MEMO1: variants seen among roughly 807,000 people sequenced by gnomAD.
MEMO1 encodes mediator of cell motility 1, also known as protein MEMO1.
In MEMO1, 6 loss-of-function variants were observed where a neutral mutation model predicts 45.2. The observed-to-expected ratio is 0.13, with a 90% CI of 0.07 to 0.26. MEMO1 has a LOEUF of 0.26. MEMO1 is among the 10% of genes least tolerant of loss of function. The pLI is 1.00. For synonymous variants in MEMO1, 78 were observed against 124.3 expected (o/e 0.63, Z 2.48); for missense variants, 184 against 370.5 (o/e 0.50, Z 4.13).
At chr2:31,938,462 C>A (rs572065708) in intron 3 of MEMO1, among the ~76,000 whole-genome samples, 2 of 151,652 alleles carry the variant, frequency 1.3e-5, no homozygotes, top group South Asian at 2.1e-4. Flanking sequence ...CTGGCTAACA[C>A]GGTGAAACCA....
chr2:32,002,156 A>AT, intron 2 of MEMO1, among the ~76,000 whole-genome samples: 5 of 125,852 alleles, frequency 4.0e-5, no homozygotes, highest in African/African-American at 1.3e-4. Flanking sequence ...AAAAAAAAAA[A>AT]AAAAAAAAAA....
chr2:31,971,035 CT>C (rs1669335465), intron 2 of MEMO1, among the ~76,000 whole-genome samples: 1 of 152,122 alleles, frequency 6.6e-6, no homozygotes, highest in African/African-American at 2.4e-5. Flanking sequence ...ATATAATTAC[CT>C]ACAAATTAGA....
At chr2:31,960,765 T>C (rs577590402) in intron 2 of MEMO1, among the ~76,000 whole-genome samples, 58 of 152,034 alleles carry the variant, frequency 3.8e-4, no homozygotes, top group Non-Finnish European at 7.1e-4. Flanking sequence ...TTTGTATTTT[T>C]AGTAGAGAGA....
At chr2:31,904,092 T>C (rs1186324811) in intron 6 of MEMO1, among the ~76,000 whole-genome samples, 1 of 152,222 alleles carries the variant, frequency 6.6e-6, no homozygotes, top group Non-Finnish European at 1.5e-5. Context: ...AAATACAGAA[T>C]GGCAATATGG....
At chr2:31,998,779 G>C (rs115024890) in intron 2 of MEMO1, among the ~76,000 whole-genome samples, 1 of 149,082 alleles carries the variant, frequency 6.7e-6, no homozygotes, top group Non-Finnish European at 1.5e-5. Flanking sequence ...CAGCCCAGGA[G>C]ACAATGTGAG....
intron 4 of MEMO1, among the ~76,000 whole-genome samples, chr2:31,931,398 T>A (rs938971081): frequency 6.6e-6 from 1 of 152,192 alleles, no homozygotes; most frequent in Non-Finnish European, 1.5e-5. Flanking sequence ...ACATAGCTTG[T>A]ACATCTGGCA....
chr2:31,931,399 A>G (rs1165735151), intron 4 of MEMO1, among the ~76,000 whole-genome samples: 1 of 152,214 alleles, frequency 6.6e-6, no homozygotes, highest in Non-Finnish European at 1.5e-5. Context: ...CATAGCTTGT[A>G]CATCTGGCAA....
At chr2:32,007,120 T>C (rs1674191580) in intron 2 of MEMO1, among the ~76,000 whole-genome samples, 1 of 152,208 alleles carries the variant, frequency 6.6e-6, no homozygotes, top group African/African-American at 2.4e-5. Flanking sequence ...ATGCCTAGCA[T>C]TCATAGGCAT....
intron 2 of MEMO1, among the ~76,000 whole-genome samples, chr2:31,985,111 A>G (rs898264231): frequency 6.6e-6 from 1 of 152,182 alleles, no homozygotes; most frequent in African/African-American, 2.4e-5. Context: ...GAGCAGGCAA[A>G]TATCACCAAA....
At chr2:31,912,564 T>C (rs934972780) in intron 6 of MEMO1, among the ~76,000 whole-genome samples, 7 of 151,196 alleles carry the variant, frequency 4.6e-5, no homozygotes, top group African/African-American at 1.5e-4. Flanking sequence ...ATTATGCATT[T>C]CAATATTAAA....
chr2:31,919,273 C>T (rs1681922977), intron 5 of MEMO1, among the ~76,000 whole-genome samples: 1 of 151,958 alleles, frequency 6.6e-6, no homozygotes, highest in Non-Finnish European at 1.5e-5. Context: ...CTCGCTGCCC[C>T]ATGCCCTCCC....
intron 2 of MEMO1, among the ~76,000 whole-genome samples, chr2:31,950,720 C>CA (rs1382577241): frequency 0.015 from 1,142 of 78,268 alleles, 12 homozygotes; most frequent in African/African-American, 0.033. Flanking sequence ...GACTCCATCT[C>CA]AAAAAAAAAA....
Position 31,978,526 on chromosome 2 carries a change from G to A in MEMO1, c.61+31661C>T, listed in dbSNP as rs990714960. Among the ~76,000 whole-genome samples the A allele has an allele frequency of 1.4e-4, 22 of 152,340 alleles. No individual in the cohort carries two copies. The East Asian group carries it at 3.7e-3, about 25-fold the overall frequency. ...AGTGGCATGATCATCATAGCTCACT[G>A]AGCTTACACAATCCTCCCACCTCGG... is the stretch of plus-strand genomic sequence containing the variant. On this transcript the variant is annotated intron_variant, in intron 2 of 9. Transcript: ENST00000404530.
chr2:31,901,253 G>A (rs1466677899), intron 6 of MEMO1, among the ~76,000 whole-genome samples: 4 of 151,134 alleles, frequency 2.6e-5, no homozygotes, highest in Non-Finnish European at 5.9e-5. Context: ...CACGCTTGTC[G>A]TCCCAGCTAC....
At chr2:31,938,787 T>C in intron 3 of MEMO1, among the ~76,000 whole-genome samples, 1 of 45,286 alleles carries the variant, frequency 2.2e-5, no homozygotes, top group East Asian at 1.6e-3. Flanking sequence ...TAGAACAATA[T>C]TTTTTTTTTT....
intron 6 of MEMO1, among the ~76,000 whole-genome samples, chr2:31,899,433 G>C (rs1239144011): frequency 1.3e-5 from 2 of 152,184 alleles, no homozygotes; most frequent in East Asian, 3.9e-4. Context: ...AAGCAATGGG[G>C]AAATGATTCC....
chr2:31,903,117 A>G (rs1185830542), intron 6 of MEMO1, among the ~76,000 whole-genome samples: 2 of 152,188 alleles, frequency 1.3e-5, no homozygotes, highest in Non-Finnish European at 2.9e-5. Flanking sequence ...TGAAATATAC[A>G]AATACTTATT....
intron 6 of MEMO1, among the ~76,000 whole-genome samples, chr2:31,908,646 CA>C (rs1392668927): frequency 6.6e-6 from 1 of 152,116 alleles, no homozygotes; most frequent in East Asian, 1.9e-4. Context: ...CTGAGAGATA[CA>C]AACTCCTGAG....
chr2:31,976,093 G>A (rs1196448608), intron 2 of MEMO1, among the ~76,000 whole-genome samples: 1 of 152,070 alleles, frequency 6.6e-6, no homozygotes, highest in African/African-American at 2.4e-5. Flanking sequence ...TGTTTCCCCT[G>A]AGATTAGTAC....
Sources: gnomAD v4.1 joint callset for allele counts (sites outside exome capture counted in the v4.1 genomes callset) on GRCh38, gnomAD v4.1.1 for gene constraint, MANE v1.5 for transcripts, NCBI Gene and HGNC (gene_info 2026-07-23, HGNC 2026-07-21) for gene names.